Variants in LPP observed in about 807,000 individuals in gnomAD.
LPP encodes lipoma-preferred partner.
Under a neutral mutation model 60.4 loss-of-function variants are expected in LPP, and 38 were observed. The ratio of observed to expected loss-of-function variants is 0.63; its 90% CI spans 0.49 to 0.83. LPP has a LOEUF of 0.83. LPP is among the 40% of genes least tolerant of loss of function. LPP has a pLI of 0.00. For missense variants in LPP, 902 were observed against 783.6 expected (o/e 1.15, Z -1.80); for synonymous variants, 328 against 290.8 (o/e 1.13, Z -1.30).
intron 8 of LPP, among the ~76,000 whole-genome samples, chr3:188,756,997 T>C (rs145345084): frequency 5.9e-5 from 9 of 152,220 alleles, no homozygotes; most frequent in Non-Finnish European, 1.0e-4. Context: ...AGTCACTCAT[T>C]CTCTCCGTGA....
At chr3:188,156,107 A>C (rs564394252) in intron 1 of LPP, among the ~76,000 whole-genome samples, 7 of 152,270 alleles carry the variant, frequency 4.6e-5, no homozygotes, top group African/African-American at 1.7e-4. Flanking sequence ...AACACCCAAA[A>C]CTTTATAGTC....
intron 2 of LPP, among the ~76,000 whole-genome samples, chr3:188,250,920 C>CTCCCTTCCCTTCCCT (rs1161657769): frequency 2.5e-3 from 50 of 20,070 alleles, no homozygotes; most frequent in African/African-American, 0.011. Flanking sequence ...CCCTTCCTTC[C>CTCCCTTCCCTTCCCT]TCCCTTCCCT....
chr3:188,625,233 T>C (rs1560663293), intron 7 of LPP, among the ~76,000 whole-genome samples: 1 of 152,178 alleles, frequency 6.6e-6, no homozygotes, highest in African/African-American at 2.4e-5. Context: ...ATAAATATGT[T>C]GCCTTTGCTT....
chr3:188,242,204 A>AT (rs1419757883), intron 2 of LPP, among the ~76,000 whole-genome samples: 2 of 152,146 alleles, frequency 1.3e-5, no homozygotes, highest in South Asian at 4.1e-4. Flanking sequence ...AACATGGGTT[A>AT]TTTTTTAGCA....
In LPP at chr3:188,582,275, C is replaced by A. The variant is rs1450248848; in HGVS notation, c.430-26886C>A. 2.6e-5 allele frequency among the ~76,000 whole-genome samples: 4 copies of A among 151,342 alleles called. No homozygotes were observed. In the South Asian group the frequency reaches 6.3e-4, roughly 24 times the overall value. ...TACCAGGTTCAAACGATTCTCTTGC[C>A]TCAGCCTCCCGAGTAGCTGTGTCTA... On this transcript the variant is annotated intron_variant, in intron 6 of 11. Transcript: ENST00000617246.
chr3:188,568,192 T>C (rs1832642846), intron 6 of LPP: 1 of 151,974 alleles, frequency 6.6e-6, no homozygotes, highest in African/African-American at 2.4e-5. Flanking sequence ...GGCATAATAT[T>C]TTATTTTTAT....
rs188357110 is a variant in LPP at position 188,636,420 on chromosome 3, C to T, written c.1113+26576C>T. Among the ~76,000 whole-genome samples the T allele has an allele frequency of 4.6e-3, 705 of 152,294 alleles. 3 individuals carry two copies. The highest frequency in any genetic ancestry group is 0.016 in the African/African-American group (663 of 41,566). On this transcript the variant is annotated intron_variant, in intron 7 of 11. Transcript: ENST00000617246. ...CGGAGGGTCCTACCCCATGGAGTCT[C>T]GCTGATTCCTAGCACAGCAGTCTGA...
At chr3:188,801,580 G>T (rs1198891850) in intron 9 of LPP, among the ~76,000 whole-genome samples, 1 of 152,088 alleles carries the variant, frequency 6.6e-6, no homozygotes, top group Non-Finnish European at 1.5e-5. Flanking sequence ...AGCTGAACTG[G>T]GCCAAGCTTT....
chr3:188,377,201 G>T (rs1335936643), intron 3 of LPP, among the ~76,000 whole-genome samples: 2 of 152,012 alleles, frequency 1.3e-5, no homozygotes, highest in Non-Finnish European at 2.9e-5. Flanking sequence ...TGCTCTTCTC[G>T]AGGAGTATCT....
chr3:188,804,939 A>G lies in LPP; in HGVS notation c.1410+44657A>G, dbSNP rs201733371. ...TGAATTTTGTCAATTGCCTTTAGAC[A>G]TAAGTTGGTATGATAATAAGACTTT... On this transcript the variant is annotated intron_variant, in intron 9 of 11. Coordinates refer to ENST00000617246, the MANE Select transcript of LPP (RefSeq NM_001375462.1). 2.0e-5 allele frequency among the ~76,000 whole-genome samples: 3 copies of G among 152,064 alleles called. No homozygotes were observed. The East Asian group carries it at 5.8e-4, about 29-fold the overall frequency.
chr3:188,348,521 A>C (rs914985329), intron 3 of LPP, among the ~76,000 whole-genome samples: 1 of 152,194 alleles, frequency 6.6e-6, no homozygotes, highest in East Asian at 1.9e-4. Context: ...CCATCTGATT[A>C]ATAATCCTTA....
chr3:188,528,171 G>A (rs1821165528), intron 6 of LPP, among the ~76,000 whole-genome samples: 1 of 152,078 alleles, frequency 6.6e-6, no homozygotes, highest in African/African-American at 2.4e-5. Flanking sequence ...AAACTTACAG[G>A]TGTGTGCCAC....
At chr3:188,272,852 G>A (rs1032921546) in intron 2 of LPP, among the ~76,000 whole-genome samples, 1 of 152,204 alleles carries the variant, frequency 6.6e-6, no homozygotes, top group Non-Finnish European at 1.5e-5. Context: ...TGGGGAGTAT[G>A]ATATGTGACA....
intron 9 of LPP, among the ~76,000 whole-genome samples, chr3:188,769,821 G>A (rs932144974): frequency 2.6e-5 from 4 of 152,184 alleles, no homozygotes; most frequent in African/African-American, 9.7e-5. Flanking sequence ...GATTTTGGTT[G>A]GAGAGTGTAG....
At chr3:188,373,592 A>G (rs973306430) in intron 3 of LPP, among the ~76,000 whole-genome samples, 1 of 151,936 alleles carries the variant, frequency 6.6e-6, no homozygotes, top group Non-Finnish European at 1.5e-5. Flanking sequence ...AGTTCATTGT[A>G]GATTCTGGAT....
intron 4 of LPP, among the ~76,000 whole-genome samples, chr3:188,440,772 CTG>C (rs1184342810): frequency 2.0e-5 from 3 of 152,166 alleles, no homozygotes; most frequent in Non-Finnish European, 4.4e-5. Flanking sequence ...TTTATTCTGA[CTG>C]TGAATGGAGG....
At chr3:188,405,460 C>T (rs1036502176) in intron 3 of LPP, among the ~76,000 whole-genome samples, 10 of 152,132 alleles carry the variant, frequency 6.6e-5, no homozygotes, top group Admixed American at 1.3e-4. Context: ...GCACACTAAA[C>T]GTAAATGCTG....
intron 2 of LPP, among the ~76,000 whole-genome samples, chr3:188,233,748 T>C (rs751108395): frequency 1.5e-4 from 23 of 152,194 alleles, no homozygotes; most frequent in Non-Finnish European, 2.9e-4. Flanking sequence ...AAATCTTCTT[T>C]TACCATTTAT....
chr3:188,768,499 T>A (rs1191189902), intron 9 of LPP, among the ~76,000 whole-genome samples: 2 of 152,220 alleles, frequency 1.3e-5, no homozygotes, highest in Non-Finnish European at 2.9e-5. Context: ...TATATTGATA[T>A]ATCAAAATTT....
Sources: allele counts gnomAD v4.1 joint callset (sites outside exome capture counted in the v4.1 genomes callset), GRCh38; gene constraint gnomAD v4.1.1; transcripts MANE v1.5; gene names NCBI Gene and HGNC (gene_info 2026-07-23, HGNC 2026-07-21).